The following STXBP5L variants were observed in gnomAD, a reference collection of about 807,000 sequenced individuals.
STXBP5L encodes syntaxin-binding protein 5-like.
In STXBP5L, 65 loss-of-function variants were observed where a neutral mutation model predicts 144.5. The observed-to-expected ratio is 0.45, with a 90% confidence interval of 0.37 to 0.55. The LOEUF (loss-of-function observed/expected upper bound fraction) is 0.55. Ranked by LOEUF, STXBP5L falls within the 20% of genes least tolerant of loss-of-function variation. The pLI, the probability that STXBP5L is intolerant of heterozygous loss-of-function variation, is 0.00. For synonymous variants in STXBP5L, 505 were observed against 469.6 expected, an observed-to-expected ratio of 1.08 and a Z score of -0.97; for missense variants, 1,298 against 1,405.5, an observed-to-expected ratio of 0.92 and a Z score of 1.22.
chr3:121,021,524 C>T (rs1945552875), intron 3 of STXBP5L, among the ~76,000 whole-genome samples: 2 of 152,116 alleles, frequency 1.3e-5, no homozygotes, highest in Admixed American at 1.3e-4. Context: ...GGCCACAAAA[C>T]AAGTCTCAAC....
chr3:121,042,539 T>A (rs558114746), intron 4 of STXBP5L, among the ~76,000 whole-genome samples: 60 of 152,264 alleles, frequency 3.9e-4, no homozygotes, highest in African/African-American at 1.2e-3. Context: ...TTGAACTCAG[T>A]GTCTCGGAAA....
rs190021832 is a variant in STXBP5L at position 121,173,394 on chromosome 3, G to C, written c.877+15767G>C. 2.2e-4 allele frequency among the ~76,000 whole-genome samples: 33 copies of C among 151,454 alleles called. No homozygotes were observed. The East Asian group carries it at 4.6e-3, about 21-fold the overall frequency. On this transcript the variant is annotated intron_variant, in intron 9 of 26. Transcript: ENST00000471454. ...TCTCACTTCAGTAACAACAAAAAAT[G>C]CTGGACAAACTTTAAATTAACAACT...
At chr3:121,013,538 T>A (rs1944933028) in intron 3 of STXBP5L, among the ~76,000 whole-genome samples, 1 of 151,164 alleles carries the variant, frequency 6.6e-6, no homozygotes, top group Admixed American at 6.6e-5. Context: ...TTCAACGGAG[T>A]TATTTGTTTC....
chr3:120,977,586 T>C (rs912324252), intron 3 of STXBP5L, among the ~76,000 whole-genome samples: 2 of 152,154 alleles, frequency 1.3e-5, no homozygotes, highest in African/African-American at 4.8e-5. Flanking sequence ...ATCCTGTCAT[T>C]ATGATGTTAG....
chr3:121,115,649 T>C (rs544419919), intron 6 of STXBP5L, among the ~76,000 whole-genome samples: 32 of 152,290 alleles, frequency 2.1e-4, no homozygotes, highest in Non-Finnish European at 3.7e-4. Flanking sequence ...TTTGCATTGC[T>C]ATAAAGGAAT....
At chr3:121,071,858 A>G (rs2041825066) in intron 5 of STXBP5L, among the ~76,000 whole-genome samples, 1 of 152,196 alleles carries the variant, frequency 6.6e-6, no homozygotes, top group Non-Finnish European at 1.5e-5. Flanking sequence ...GCTTGGCCAA[A>G]CACTATCTCA....
intron 19 of STXBP5L, among the ~76,000 whole-genome samples, chr3:121,309,228 A>C (rs1000318726): frequency 6.6e-6 from 1 of 152,092 alleles, no homozygotes; most frequent in Non-Finnish European, 1.5e-5. Flanking sequence ...TTTTTAAAAA[A>C]TCAAGATCTG....
intron 19 of STXBP5L, among the ~76,000 whole-genome samples, chr3:121,293,415 T>C (rs2051521966): frequency 6.6e-6 from 1 of 152,138 alleles, no homozygotes; most frequent in Non-Finnish European, 1.5e-5. Context: ...ATTGCAAAGA[T>C]GGTTTTATGG....
In STXBP5L at chr3:121,418,408, G is replaced by T; in HGVS notation, c.3298G>T (p.Gly1100Trp). Residue 1100 changes from glycine (G) to tryptophan (W), a missense_variant, in exon 26 of 27, where the codon GGG (glycine) becomes TGG (tryptophan). By Grantham distance (184) the Gly-to-Trp change is radical (BLOSUM62 -2). Transcript: ENST00000471454. ...CATTCCTGGACCAGGTAGTATAGAAGGGATGAAAGGCGCTGCTGGAGGGGT... is the reference window on the plus strand; with the variant it reads ...CATTCCTGGACCAGGTAGTATAGAATGGATGAAAGGCGCTGCTGGAGGGGT... ...QHIPGPGSIEGMKGAAGGVMG... is the reference protein window; with the variant it reads ...QHIPGPGSIEWMKGAAGGVMG... 1 of 1,614,044 alleles carries T rather than the reference G, an allele frequency of 6.2e-7. No homozygotes were observed. Among genetic ancestry groups the T allele is most frequent in the South Asian group, 1.1e-5 (1 of 91,076 alleles).
chr3:121,348,233 G>C (rs956446392), intron 20 of STXBP5L, among the ~76,000 whole-genome samples: 7 of 152,074 alleles, frequency 4.6e-5, no homozygotes, highest in African/African-American at 1.7e-4. Context: ...TTTTGTCGTT[G>C]GTTCTGTTTA....
At chr3:121,111,540 C>T (rs887645999) in intron 5 of STXBP5L, among the ~76,000 whole-genome samples, 1 of 152,206 alleles carries the variant, frequency 6.6e-6, no homozygotes, top group Non-Finnish European at 1.5e-5. Flanking sequence ...GTCCCTCCCA[C>T]ACCTGAAGGT....
chr3:121,158,446 A>G (rs2046197995), intron 9 of STXBP5L: 1 of 152,208 alleles, frequency 6.6e-6, no homozygotes, highest in Non-Finnish European at 1.5e-5. Flanking sequence ...GATCACAAGC[A>G]TTCTTAGAAT....
Position 121,348,364 on chromosome 3 carries a change from T to G in STXBP5L, c.2176+29824T>G, listed in dbSNP as rs60454170. On this transcript the variant is annotated intron_variant, in intron 20 of 26. Transcript: ENST00000471454. ...TGCTGCTGGATTCGGTTTGCCAGTA[T>G]TTTATTGAGGATTTTTGTGTCGATG... Among the ~76,000 whole-genome samples, 379 of 152,262 alleles carry G rather than the reference T, an allele frequency of 2.5e-3. 3 individuals carry two copies. The highest frequency in any genetic ancestry group is 8.6e-3 in the African/African-American group (356 of 41,526).
chr3:121,371,889 T>A (rs115118530), intron 20 of STXBP5L, among the ~76,000 whole-genome samples: 1 of 152,104 alleles, frequency 6.6e-6, no homozygotes, highest in African/African-American at 2.4e-5. Flanking sequence ...ACAACAATGG[T>A]GGTACCGCTG....
intron 9 of STXBP5L, among the ~76,000 whole-genome samples, chr3:121,184,070 C>G (rs773775166): frequency 2.0e-5 from 3 of 151,936 alleles, no homozygotes; most frequent in African/African-American, 2.4e-5. Flanking sequence ...TCACCAACAT[C>G]AAGGACCAAA....
chr3:121,148,132 T>G (rs2045785741), intron 7 of STXBP5L, among the ~76,000 whole-genome samples: 1 of 152,122 alleles, frequency 6.6e-6, no homozygotes, highest in South Asian at 2.1e-4. Flanking sequence ...CTCTTGGTTC[T>G]AATTTTTCGG....
chr3:121,403,688 C>A (rs566610820), intron 22 of STXBP5L, among the ~76,000 whole-genome samples: 83 of 152,090 alleles, frequency 5.5e-4, no homozygotes, highest in Middle Eastern at 3.4e-3. Context: ...GGATATTAGA[C>A]ACTAATAAGT....
chr3:120,974,968 G>C (rs28820921), intron 3 of STXBP5L, among the ~76,000 whole-genome samples: 4 of 151,920 alleles, frequency 2.6e-5, no homozygotes, highest in African/African-American at 4.8e-5. Flanking sequence ...GTTTGAAGTC[G>C]GGTAGCGTGA....
intron 3 of STXBP5L, among the ~76,000 whole-genome samples, chr3:120,964,189 G>T (rs1939256189): frequency 6.6e-6 from 1 of 152,044 alleles, no homozygotes; most frequent in African/African-American, 2.4e-5. Flanking sequence ...CTTGCTAGTG[G>T]TCTATCAATT....
Sources: gnomAD v4.1 joint callset for allele counts (sites outside exome capture counted in the v4.1 genomes callset) on GRCh38, gnomAD v4.1.1 for gene constraint, MANE v1.5 for transcripts, NCBI Gene and HGNC (gene_info 2026-07-23, HGNC 2026-07-21) for gene names.